Variants in PDGFRL observed in about 807,000 individuals in gnomAD.
The protein encoded by PDGFRL is platelet-derived growth factor receptor-like protein.
Under a neutral mutation model 37.2 loss-of-function variants are expected in PDGFRL, and 46 were observed. The ratio of observed to expected loss-of-function variants is 1.24; its 90% CI spans 0.98 to 1.58. PDGFRL has a LOEUF of 1.58. PDGFRL is among the 40% of genes most tolerant of loss of function. PDGFRL has a pLI of 0.00. For synonymous variants in PDGFRL, 251 were observed against 184.3 expected, an observed-to-expected ratio of 1.36 and a Z score of -2.93; for missense variants, 692 against 467.6, an observed-to-expected ratio of 1.48 and a Z score of -4.43.
At chr8:17,594,755 G>A (rs138460655) in intron 2 of PDGFRL, among the ~76,000 whole-genome samples, 2,704 of 151,980 alleles carry the variant, frequency 0.018, 73 homozygotes, top group African/African-American at 0.061. Flanking sequence ...GGGTTTCACC[G>A]TGGTCTCGAT....
At chr8:17,599,505 C>T (rs867346993) in intron 2 of PDGFRL, among the ~76,000 whole-genome samples, 5 of 152,250 alleles carry the variant, frequency 3.3e-5, no homozygotes, top group Admixed American at 1.3e-4. Context: ...TCTGTTCTTC[C>T]TTCATTTCCA....
rs747136142 is a variant in PDGFRL, at chr8:17,577,220, C to G, written c.-33C>G. Reference sequence around the variant, plus strand: ...GCGTCCCCGCCCCGCGCAGCCGCCGCGCTCCTGCGCTCCGAGGTCCGAGGT... The same window carrying G: ...GCGTCCCCGCCCCGCGCAGCCGCCGGGCTCCTGCGCTCCGAGGTCCGAGGT... On this transcript the variant is annotated 5_prime_UTR_variant, in exon 1 of 6. Coordinates refer to ENST00000251630, the MANE Select transcript of PDGFRL (RefSeq NM_001372073.1). The G allele has an allele frequency of 3.1e-6, 5 of 1,604,474 alleles. No homozygotes were observed. Among genetic ancestry groups the G allele is most frequent in the Non-Finnish European group, 4.3e-6 (5 of 1,175,660 alleles).
chr8:17,631,789 C>T (rs1049561195), intron 4 of PDGFRL, among the ~76,000 whole-genome samples: 3 of 152,182 alleles, frequency 2.0e-5, no homozygotes, highest in Non-Finnish European at 2.9e-5. Context: ...TCCCAGCTTC[C>T]CCCACCTCCC....
At chr8:17,642,016 C>G (rs577321985) in intron 5 of PDGFRL, among the ~76,000 whole-genome samples, 5 of 151,028 alleles carry the variant, frequency 3.3e-5, no homozygotes, top group South Asian at 4.2e-4. Context: ...GTGGACATCT[C>G]AAAAGTGACC....
At chr8:17,631,290 C>T (rs963586782) in intron 4 of PDGFRL, among the ~76,000 whole-genome samples, 5 of 152,228 alleles carry the variant, frequency 3.3e-5, no homozygotes, top group African/African-American at 1.2e-4. Context: ...TTAGTCTCTC[C>T]GAGAACTCTC....
intron 2 of PDGFRL, among the ~76,000 whole-genome samples, chr8:17,609,706 T>C (rs77931858): frequency 0.024 from 3,409 of 143,530 alleles, 50 homozygotes; most frequent in Admixed American, 0.035. Context: ...CCCCAAAAGA[T>C]TGTGATATGC....
intron 5 of PDGFRL, among the ~76,000 whole-genome samples, chr8:17,639,817 G>A (rs1805053793): frequency 1.3e-5 from 2 of 152,164 alleles, no homozygotes; most frequent in Admixed American, 1.3e-4. Flanking sequence ...ATTCAGATGT[G>A]TAGCTCTCTA....
intron 3 of PDGFRL, among the ~76,000 whole-genome samples, chr8:17,627,858 A>G (rs1372149204): frequency 2.0e-5 from 3 of 152,060 alleles, no homozygotes; most frequent in Non-Finnish European, 4.4e-5. Context: ...AAGGCTGGGC[A>G]TGTTAAACTT....
At chr8:17,610,301 T>C (rs530542694) in intron 2 of PDGFRL, among the ~76,000 whole-genome samples, 1 of 152,226 alleles carries the variant, frequency 6.6e-6, no homozygotes, top group East Asian at 1.9e-4. Context: ...AAGATTAGAA[T>C]TGCCAGATTT....
Position 17,577,260 on chromosome 8 carries a change from T to G in PDGFRL, c.8T>G (p.Val3Gly), listed in dbSNP as rs758363506. Residue 3 changes from valine (V) to glycine (G), a missense_variant, in exon 1 of 6, where the codon GTC becomes GGC. By Grantham distance (109) the Val-to-Gly change is moderately radical. Transcript: ENST00000251630. The part of the protein sequence containing the change: MK[V>G]WLLLGLLLVH... ...AGGTCCGAGGTTCCCGAGATGAAGG[T>G]CTGGCTGCTGCTTGGTCTTCTGCTG... 5.0e-6 allele frequency: 8 copies of G among 1,612,402 alleles called. No individual in the cohort carries two copies. The African/African-American group carries it at 1.1e-4, about 22-fold the overall frequency.
chr8:17,611,346 A>G (rs994985346), intron 2 of PDGFRL, among the ~76,000 whole-genome samples: 2 of 152,250 alleles, frequency 1.3e-5, no homozygotes, highest in Non-Finnish European at 2.9e-5. Context: ...ATTCTCTTCT[A>G]TTCTGTACAC....
chr8:17,620,670 T>A (rs1056382777), intron 2 of PDGFRL, among the ~76,000 whole-genome samples: 7 of 152,300 alleles, frequency 4.6e-5, no homozygotes, highest in African/African-American at 1.4e-4. Context: ...CTGCATAAAA[T>A]ATGAAAACAG....
At chr8:17,598,271 C>T (rs975985701) in intron 2 of PDGFRL, among the ~76,000 whole-genome samples, 10 of 152,212 alleles carry the variant, frequency 6.6e-5, no homozygotes, top group African/African-American at 2.2e-4. Flanking sequence ...TTCCCTAGAA[C>T]CCAGTTGCCT....
At chr8:17,586,640 A>G (rs1803823784) in intron 1 of PDGFRL, among the ~76,000 whole-genome samples, 1 of 151,332 alleles carries the variant, frequency 6.6e-6, no homozygotes, top group Non-Finnish European at 1.5e-5. Context: ...TCATGTGACA[A>G]CCATAAAAAA....
intron 5 of PDGFRL, among the ~76,000 whole-genome samples, chr8:17,640,533 G>T (rs552223755): frequency 4.6e-5 from 7 of 152,224 alleles, no homozygotes; most frequent in Non-Finnish European, 7.3e-5. Context: ...CCAAACTGCA[G>T]TGATTGTTAT....
At chr8:17,614,096 T>C (rs991348471) in intron 2 of PDGFRL, among the ~76,000 whole-genome samples, 5 of 152,168 alleles carry the variant, frequency 3.3e-5, no homozygotes, top group African/African-American at 1.2e-4. Flanking sequence ...GATAGATTGA[T>C]AGATGATAGA....
intron 3 of PDGFRL, among the ~76,000 whole-genome samples, chr8:17,622,320 G>T (rs1418750776): frequency 6.6e-6 from 1 of 152,208 alleles, no homozygotes; most frequent in Non-Finnish European, 1.5e-5. Flanking sequence ...AGACATTTCA[G>T]GTGAAACCAG....
At chr8:17,581,046 T>A (rs1803696934) in intron 1 of PDGFRL, among the ~76,000 whole-genome samples, 3 of 152,110 alleles carry the variant, frequency 2.0e-5, no homozygotes, top group African/African-American at 7.2e-5. Flanking sequence ...TGATTACATT[T>A]GCAAAGACTC....
At position 17,638,775 on chromosome 8, in the gene PDGFRL, AT is replaced by A. The variant is rs1563532515; in HGVS notation, c.940-3837del. Among the ~76,000 whole-genome samples, 95 of 93,414 alleles carry A rather than the reference AT, an allele frequency of 1.0e-3. 4 individuals carry two copies. The highest frequency in any genetic ancestry group is 3.4e-3 in the East Asian group (13 of 3,808). 61.3% of individuals were successfully genotyped at this position (93,414 alleles called of 152,430 possible). On this transcript the variant is annotated intron_variant, in intron 5 of 5. Coordinates refer to ENST00000251630, the MANE Select transcript of PDGFRL (RefSeq NM_001372073.1). Reference sequence around the variant, plus strand: ...TATATATATATATATATATATATATATATATATATATAATTGTGATATTTTC... The same window carrying A: ...TATATATATATATATATATATATATAATATATATATAATTGTGATATTTTC...
Sources: gnomAD v4.1 joint callset for allele counts (sites outside exome capture counted in the v4.1 genomes callset) on GRCh38, gnomAD v4.1.1 for gene constraint, MANE v1.5 for transcripts, NCBI Gene and HGNC (gene_info 2026-07-23, HGNC 2026-07-21) for gene names.